Variants in ZNF487 observed in about 807,000 individuals in gnomAD.
ZNF487 encodes the protein KRAB domain only 1.
In ZNF487, 4 loss-of-function variants were observed where a neutral mutation model predicts 3.0. The ratio of observed to expected loss-of-function variants is 1.35; its 90% CI spans 0.66 to 3.08. ZNF487 has a LOEUF of 3.08. ZNF487 is among the 30% of genes most tolerant of loss of function. ZNF487 has a pLI of 0.01. For synonymous variants in ZNF487, 55 were observed against 34.6 expected, an observed-to-expected ratio of 1.59 and a Z score of -2.06; for missense variants, 146 against 98.7, an observed-to-expected ratio of 1.48 and a Z score of -2.03.
the ZNF487 span, among the ~76,000 whole-genome samples, chr10:43,512,775 G>A: frequency 6.6e-6 from 1 of 152,200 alleles, no homozygotes; most frequent in African/African-American, 2.4e-5. Context: ...AAAACTGACA[G>A]CCTTTCGGGT....
At chr10:43,494,570 C>CCTCTTTATTGGCTT in the ZNF487 span, among the ~76,000 whole-genome samples, 1 of 141,624 alleles carries the variant, frequency 7.1e-6, no homozygotes, top group African/African-American at 2.6e-5. Context: ...GCTTACTTCA[C>CCTCTTTATTGGCTT]CTCTTTATTG....
At chr10:43,455,403 A>C (rs1840148378) in intron 1 of ZNF487, among the ~76,000 whole-genome samples, 1 of 152,222 alleles carries the variant, frequency 6.6e-6, no homozygotes, top group Non-Finnish European at 1.5e-5. Flanking sequence ...CATCGTGACT[A>C]CCAACCACCA....
At chr10:43,520,102 T>C in the ZNF487 span, among the ~76,000 whole-genome samples, 1 of 152,240 alleles carries the variant, frequency 6.6e-6, no homozygotes, top group Non-Finnish European at 1.5e-5. Flanking sequence ...GCATTATTCA[T>C]GTACACAAAA....
chr10:43,508,838 CTACACCT>C, the ZNF487 span, among the ~76,000 whole-genome samples: 1 of 151,172 alleles, frequency 6.6e-6, no homozygotes, highest in Non-Finnish European at 1.5e-5. Context: ...AAGAGTGAAA[CTACACCT>C]CAAAATAAAT....
At chr10:43,486,079 A>G (rs575139060), downstream of ZNF487, among the ~76,000 whole-genome samples, 1 of 152,348 alleles carries the variant, frequency 6.6e-6, no homozygotes, top group Admixed American at 6.5e-5. Context: ...TCCAACATTA[A>G]TATAATAGTT....
chr10:43,474,336 C>T (rs886681625), intron 1 of ZNF487, among the ~76,000 whole-genome samples: 1 of 151,652 alleles, frequency 6.6e-6, no homozygotes, highest in Non-Finnish European at 1.5e-5. Context: ...CCCCTGTAAC[C>T]CCAGCTACTC....
chr10:43,479,842 A>G (rs1477727991), intron 3 of ZNF487, among the ~76,000 whole-genome samples: 7 of 152,056 alleles, frequency 4.6e-5, no homozygotes, highest in South Asian at 2.1e-4. Flanking sequence ...TTGTTACTAG[A>G]GACGGGGTTT....
At chr10:43,500,409 G>C in the ZNF487 span, among the ~76,000 whole-genome samples, 1 of 152,134 alleles carries the variant, frequency 6.6e-6, no homozygotes, top group Non-Finnish European at 1.5e-5. Flanking sequence ...CTGGGTGACA[G>C]AGTGAGACCC....
At chr10:43,512,187 G>C in the ZNF487 span, among the ~76,000 whole-genome samples, 7 of 152,190 alleles carry the variant, frequency 4.6e-5, no homozygotes, top group Admixed American at 3.3e-4. Flanking sequence ...CTGTGAACCA[G>C]GCCCTAGTCC....
chr10:43,497,195 GC>G, the ZNF487 span, among the ~76,000 whole-genome samples: 1 of 152,036 alleles, frequency 6.6e-6, no homozygotes, highest in African/African-American at 2.4e-5. Context: ...TAATTTACAT[GC>G]CAGTTAGGTT....
chr10:43,448,867 A>G (rs776159431), intron 1 of ZNF487, among the ~76,000 whole-genome samples: 111 of 152,104 alleles, frequency 7.3e-4, no homozygotes, highest in Admixed American at 3.4e-3. Flanking sequence ...ATTGTGGCAG[A>G]TGCCCATAGT....
intron 3 of ZNF487, among the ~76,000 whole-genome samples, chr10:43,480,341 C>T (rs1173609389): frequency 2.7e-5 from 4 of 150,708 alleles, no homozygotes; most frequent in East Asian, 4.0e-4. Flanking sequence ...CTCCTGACCT[C>T]GTGATCCACC....
chr10:43,493,947 C>T, the ZNF487 span, among the ~76,000 whole-genome samples: 7 of 150,476 alleles, frequency 4.7e-5, no homozygotes, highest in East Asian at 1.4e-3. Context: ...AGGAGAATGG[C>T]TTGAACCTGG....
At chr10:43,507,297 C>A in the ZNF487 span, among the ~76,000 whole-genome samples, 1 of 152,086 alleles carries the variant, frequency 6.6e-6, no homozygotes, top group Non-Finnish European at 1.5e-5. Flanking sequence ...TGATTGTGCA[C>A]CCACCCCCTG....
chr10:43,456,988 CT>C lies in ZNF487; in HGVS notation c.-93-18731del, dbSNP rs1380836946. ...TACTATGCCAATTACCGCAGGTGGC[CT>C]TGAGAGATGTGGGTGCTTCCACCAT... is the stretch of plus-strand genomic sequence containing the variant. On this transcript the variant is annotated intron_variant, in intron 1 of 3. Transcript: ENST00000437590. Among the ~76,000 whole-genome samples, 3 of 152,280 alleles carry C rather than the reference CT, an allele frequency of 2.0e-5. No individual in the cohort carries two copies. The South Asian group carries it at 6.2e-4, about 32-fold the overall frequency.
At chr10:43,510,005 A>G in the ZNF487 span, among the ~76,000 whole-genome samples, 1 of 152,230 alleles carries the variant, frequency 6.6e-6, no homozygotes, top group Non-Finnish European at 1.5e-5. Flanking sequence ...ACAATGGGAA[A>G]CGTACCAATT....
chr10:43,512,600 G>A, the ZNF487 span, among the ~76,000 whole-genome samples: 1 of 152,148 alleles, frequency 6.6e-6, no homozygotes, highest in Non-Finnish European at 1.5e-5. Flanking sequence ...AGCTTCCATC[G>A]TGATTCACCT....
intron 1 of ZNF487, among the ~76,000 whole-genome samples, chr10:43,455,446 C>A (rs929412592): frequency 2.0e-5 from 3 of 152,248 alleles, no homozygotes; most frequent in East Asian, 1.9e-4. Context: ...CCGGGAGAAT[C>A]CCTGCGCCGT....
At chr10:43,483,504 G>T (rs1841439102), downstream of ZNF487, among the ~76,000 whole-genome samples, 1 of 146,936 alleles carries the variant, frequency 6.8e-6, no homozygotes, top group Non-Finnish European at 1.5e-5. Flanking sequence ...CTGCCAAAGT[G>T]TTGGGATTAC....
Sources: gnomAD v4.1 joint callset for allele counts (sites outside exome capture counted in the v4.1 genomes callset) on GRCh38, gnomAD v4.1.1 for gene constraint, MANE v1.5 for transcripts, NCBI Gene and HGNC (gene_info 2026-07-23, HGNC 2026-07-21) for gene names.